Variants in POU6F2 observed in about 807,000 individuals in gnomAD.
The protein encoded by POU6F2 is POU class 6 homeobox 2.
In POU6F2, 31 loss-of-function variants were observed where a neutral mutation model predicts 71.3. The observed-to-expected ratio is 0.43, with a 90% CI of 0.33 to 0.59. POU6F2 has a LOEUF of 0.59. POU6F2 is among the 20% of genes least tolerant of loss of function. The probability of loss-of-function intolerance (pLI) is 0.04; values close to 1 mark genes in which losing one functional copy is unlikely to be tolerated. For missense variants in POU6F2, 783 were observed against 856.8 expected (o/e 0.91, Z 1.07); for synonymous variants, 347 against 355.7 (o/e 0.98, Z 0.27).
intron 5 of POU6F2, among the ~76,000 whole-genome samples, chr7:39,405,216 C>T (rs1205850923): frequency 6.6e-6 from 1 of 152,008 alleles, no homozygotes; most frequent in Non-Finnish European, 1.5e-5. Context: ...TATTAAATTC[C>T]TGTCCTTTTT....
chr7:39,357,390 C>T (rs952985930), intron 5 of POU6F2, among the ~76,000 whole-genome samples: 2 of 152,156 alleles, frequency 1.3e-5, no homozygotes, highest in Non-Finnish European at 1.5e-5. Flanking sequence ...CTTATGAAAG[C>T]GAGGAAACTA....
chr7:38,996,137 T>C (rs1008316183), intron 1 of POU6F2, among the ~76,000 whole-genome samples: 1 of 149,128 alleles, frequency 6.7e-6, no homozygotes, highest in Non-Finnish European at 1.5e-5. Context: ...CCTCCCTGGT[T>C]CAAGCGATTC....
At chr7:39,038,224 A>C (rs980588182) in intron 1 of POU6F2, among the ~76,000 whole-genome samples, 1 of 152,030 alleles carries the variant, frequency 6.6e-6, no homozygotes, top group Non-Finnish European at 1.5e-5. Flanking sequence ...ATACAAGATC[A>C]CATTTTTTTT....
intron 1 of POU6F2, among the ~76,000 whole-genome samples, chr7:39,005,847 C>T (rs1454673813): frequency 6.6e-6 from 1 of 152,078 alleles, no homozygotes; most frequent in Non-Finnish European, 1.5e-5. Context: ...TATCCAGAAA[C>T]AATTGGACCT....
chr7:39,366,890 C>T (rs954089301), intron 5 of POU6F2, among the ~76,000 whole-genome samples: 1 of 151,976 alleles, frequency 6.6e-6, no homozygotes, highest in African/African-American at 2.4e-5. Context: ...GTGACCAGCA[C>T]AAACAGGGAT....
chr7:39,143,508 T>C (rs1792550297), intron 2 of POU6F2, among the ~76,000 whole-genome samples: 1 of 152,214 alleles, frequency 6.6e-6, no homozygotes, highest in African/African-American at 2.4e-5. Flanking sequence ...ATTTATTAAA[T>C]AGCATTCTAT....
intron 4 of POU6F2, among the ~76,000 whole-genome samples, chr7:39,323,128 T>G (rs79406331): frequency 2.0e-5 from 3 of 148,326 alleles, no homozygotes; most frequent in Admixed American, 1.3e-4. Flanking sequence ...AAAAAAAAAG[T>G]CCTGCATAAA....
intron 1 of POU6F2, among the ~76,000 whole-genome samples, chr7:39,015,895 A>ATAATATAT (rs1789502972): frequency 6.9e-5 from 5 of 72,542 alleles, no homozygotes; most frequent in Non-Finnish European, 9.9e-5. Flanking sequence ...TATATATTAT[A>ATAATATAT]TATAGATATA....
At chr7:39,263,543 A>G (rs10257516) in intron 4 of POU6F2, among the ~76,000 whole-genome samples, 117,806 of 152,178 alleles carry the variant, frequency 0.77, 45,729 homozygotes, top group South Asian at 0.89. Flanking sequence ...TTTGGATACA[A>G]TGTTCTGAAC....
chr7:39,243,806 G>T (rs1318124838), intron 4 of POU6F2, among the ~76,000 whole-genome samples: 1 of 151,960 alleles, frequency 6.6e-6, no homozygotes, highest in Non-Finnish European at 1.5e-5. Context: ...CATCTGATTT[G>T]TCTCTTGGTC....
chr7:38,987,067 A>G (rs1788480933), intron 1 of POU6F2, among the ~76,000 whole-genome samples: 2 of 152,164 alleles, frequency 1.3e-5, no homozygotes, highest in Admixed American at 6.5e-5. Context: ...ATTTCTCTTA[A>G]CATAAAAGAT....
chr7:39,332,937 T>C (rs1001322118), intron 4 of POU6F2, among the ~76,000 whole-genome samples: 5 of 152,176 alleles, frequency 3.3e-5, no homozygotes, highest in Non-Finnish European at 5.9e-5. Flanking sequence ...GGTGCCCACA[T>C]CCACATTAGA....
intron 4 of POU6F2, among the ~76,000 whole-genome samples, chr7:39,335,213 C>T (rs1428091956): frequency 6.6e-6 from 1 of 152,216 alleles, no homozygotes; most frequent in Admixed American, 6.5e-5. Flanking sequence ...TTCCTGCAAC[C>T]ACTCTGTTGC....
intron 2 of POU6F2, among the ~76,000 whole-genome samples, chr7:39,102,000 A>G (rs1182134636): frequency 1.3e-5 from 2 of 152,090 alleles, no homozygotes; most frequent in African/African-American, 4.8e-5. Flanking sequence ...AGGACACCTT[A>G]TTTTTTGGTC....
intron 7 of POU6F2, among the ~76,000 whole-genome samples, chr7:39,436,607 C>A (rs767641002): frequency 2.0e-5 from 3 of 152,046 alleles, no homozygotes; most frequent in Non-Finnish European, 2.9e-5. Flanking sequence ...ATTTGAATAC[C>A]CTTTATTTTC....
At chr7:39,063,085 T>C (rs1790690716) in intron 1 of POU6F2, among the ~76,000 whole-genome samples, 1 of 152,112 alleles carries the variant, frequency 6.6e-6, no homozygotes, top group African/African-American at 2.4e-5. Flanking sequence ...AAAAGAATAT[T>C]GGACTCATAT....
At chr7:38,990,566 G>A (rs1023384417) in intron 1 of POU6F2, among the ~76,000 whole-genome samples, 2 of 152,106 alleles carry the variant, frequency 1.3e-5, no homozygotes, top group Non-Finnish European at 2.9e-5. Context: ...ATGCTGATTT[G>A]GTGAAATAAA....
At chr7:38,981,851 C>A (rs1016404489) in intron 1 of POU6F2, among the ~76,000 whole-genome samples, 1 of 152,166 alleles carries the variant, frequency 6.6e-6, no homozygotes, top group Non-Finnish European at 1.5e-5. Flanking sequence ...TGTGTGCATG[C>A]ATTTGGCTTA....
Position 39,464,726 on chromosome 7 carries a change from A to G in POU6F2, c.*40A>G. 6.5e-7 allele frequency: 1 copy of G among 1,548,094 alleles called. No homozygotes were observed. Among genetic ancestry groups the G allele is most frequent in the Non-Finnish European group, 8.7e-7 (1 of 1,150,646 alleles). On this transcript the variant is annotated 3_prime_UTR_variant, in exon 10 of 10. Coordinates refer to ENST00000518318, the MANE Select transcript of POU6F2 (RefSeq NM_001370959.1). This position sits in a 1 kb window ranked among gnomAD's most constrained non-coding sequence, Gnocchi z 4.1. ...ATAATCAGAAGCAAAATTCACAGAA[A>G]CTAAACTCCACCCTTGGGACTCCAC... is the stretch of plus-strand genomic sequence containing the variant.
Sources: allele counts gnomAD v4.1 joint callset (sites outside exome capture counted in the v4.1 genomes callset), GRCh38; gene constraint gnomAD v4.1.1; non-coding constraint Gnocchi (gnomAD v3.1); transcripts MANE v1.5; gene names NCBI Gene and HGNC (gene_info 2026-07-23, HGNC 2026-07-21).